Variants in SGK3 observed in about 807,000 individuals in gnomAD.
SGK3 encodes the protein serum/glucocorticoid regulated kinase family member 3.
Under a neutral mutation model 68.5 loss-of-function variants are expected in SGK3, and 47 were observed. The observed-to-expected ratio is 0.69, with a 90% CI of 0.54 to 0.87. The LOEUF (loss-of-function observed/expected upper bound fraction) is 0.87. Among genes scored for constraint, SGK3 ranks in the 40% least tolerant of loss-of-function variants. The pLI, the probability that SGK3 is intolerant of heterozygous loss-of-function variation, is 0.00. For missense variants in SGK3, 479 were observed against 575.5 expected (o/e 0.83, Z 1.72); for synonymous variants, 181 against 189.1 (o/e 0.96, Z 0.35).
intron 1 of SGK3, among the ~76,000 whole-genome samples, chr8:66,754,667 G>T (rs1057293507): frequency 6.6e-6 from 1 of 152,188 alleles, no homozygotes; most frequent in African/African-American, 2.4e-5. Flanking sequence ...AAGTAATTCT[G>T]TACATGGAAC....
intron 6 of SGK3, among the ~76,000 whole-genome samples, chr8:66,823,043 C>T (rs1808909300): frequency 6.6e-6 from 1 of 152,284 alleles, no homozygotes; most frequent in South Asian, 2.1e-4. Context: ...TTATTGCACC[C>T]ACACCTAAAA....
intron 5 of SGK3, among the ~76,000 whole-genome samples, chr8:66,814,302 C>T (rs1273732415): frequency 6.6e-6 from 1 of 152,086 alleles, no homozygotes; most frequent in East Asian, 1.9e-4. Context: ...GGCACAGGCT[C>T]CCAGTGTAGT....
At chr8:66,776,638 C>G (rs1453354039) in intron 1 of SGK3, among the ~76,000 whole-genome samples, 2 of 152,314 alleles carry the variant, frequency 1.3e-5, no homozygotes, top group Admixed American at 6.5e-5. Flanking sequence ...AGTATAAAAT[C>G]AAATGATGAT....
intron 1 of SGK3, among the ~76,000 whole-genome samples, chr8:66,772,730 C>G (rs1806552964): frequency 6.6e-6 from 1 of 151,762 alleles, no homozygotes; most frequent in South Asian, 2.1e-4. Flanking sequence ...CTGGCTAATT[C>G]TTTTGTATTT....
At chr8:66,834,414 G>A (rs1206691245) in intron 8 of SGK3, among the ~76,000 whole-genome samples, 4 of 152,170 alleles carry the variant, frequency 2.6e-5, no homozygotes, top group Admixed American at 6.5e-5. Context: ...AAGGAGAAGG[G>A]TGAGTCATGA....
At chr8:66,744,481 GTGTATA>G (rs1444896823) in intron 1 of SGK3, among the ~76,000 whole-genome samples, 66 of 73,550 alleles carry the variant, frequency 9.0e-4, no homozygotes, top group African/African-American at 4.6e-3. Context: ...ATGTGTGTGT[GTGTATA>G]TATATATATA....
chr8:66,851,590 GTTAC>G (rs1028497153), intron 16 of SGK3, among the ~76,000 whole-genome samples: 1 of 151,360 alleles, frequency 6.6e-6, no homozygotes, highest in Non-Finnish European at 1.5e-5. Context: ...AATGTAAATT[GTTAC>G]TTTCTTGGGA....
intron 16 of SGK3, among the ~76,000 whole-genome samples, chr8:66,858,212 T>A (rs991240344): frequency 1.3e-5 from 2 of 152,100 alleles, no homozygotes; most frequent in Non-Finnish European, 2.9e-5. Flanking sequence ...ACGCCTGTAA[T>A]TCCAGCACTT....
At chr8:66,838,237 T>G (rs1809618721) in intron 10 of SGK3, among the ~76,000 whole-genome samples, 7 of 152,178 alleles carry the variant, frequency 4.6e-5, no homozygotes, top group Admixed American at 4.6e-4. Flanking sequence ...AGCTAATTTT[T>G]GTATTTTTAG....
chr8:66,799,799 G>A (rs902508031), intron 3 of SGK3, among the ~76,000 whole-genome samples: 2 of 152,086 alleles, frequency 1.3e-5, no homozygotes, highest in Admixed American at 6.5e-5. Context: ...TGTTTTTGTA[G>A]TTTTAGTAGA....
Position 66,767,573 on chromosome 8 carries a change from G to A in SGK3, c.-121-26043G>A. 5 of 1,430,794 alleles carry A rather than the reference G, an allele frequency of 3.5e-6. No homozygotes were observed. In the South Asian group the frequency reaches 5.7e-5, roughly 16 times the overall value. 88.6% of individuals were successfully genotyped at this position (1,430,794 alleles called of 1,614,324 possible). On this transcript the variant is annotated intron_variant, in intron 1 of 16. Transcript: ENST00000521198. ...CTCTCCTCATCAAGTATCATGAGAGGCACTTCACTCAAGGGGAGATGTGCA... is the reference window on the plus strand; with the variant it reads ...CTCTCCTCATCAAGTATCATGAGAGACACTTCACTCAAGGGGAGATGTGCA...
chr8:66,775,200 C>G (rs542168159), intron 1 of SGK3: 1 of 152,318 alleles, frequency 6.6e-6, no homozygotes, highest in Admixed American at 6.5e-5. Flanking sequence ...AGGTTTGGCC[C>G]CCGCAGGGAG....
At chr8:66,757,315 G>A (rs1025009522) in intron 1 of SGK3, among the ~76,000 whole-genome samples, 3 of 151,112 alleles carry the variant, frequency 2.0e-5, no homozygotes, top group Non-Finnish European at 4.4e-5. Flanking sequence ...TATTTTTTTT[G>A]TAGAGACTCA....
At chr8:66,775,502 A>T (rs1806667945) in intron 1 of SGK3, 1 of 152,148 alleles carries the variant, frequency 6.6e-6, no homozygotes, top group Non-Finnish European at 1.5e-5. Context: ...CCTCCTGTGA[A>T]CCCCTGAGAG....
At chr8:66,788,489 G>T (rs1293063907) in intron 1 of SGK3, among the ~76,000 whole-genome samples, 1 of 152,130 alleles carries the variant, frequency 6.6e-6, no homozygotes, top group Admixed American at 6.5e-5. Context: ...ATTCATTCCT[G>T]TTTGCCATGT....
At chr8:66,749,671 T>G (rs1489107413) in intron 1 of SGK3, among the ~76,000 whole-genome samples, 3 of 152,130 alleles carry the variant, frequency 2.0e-5, no homozygotes, top group Non-Finnish European at 4.4e-5. Context: ...TATATCAATT[T>G]TAGCAATTTT....
At chr8:66,818,433 G>A (rs1311204284) in intron 5 of SGK3, among the ~76,000 whole-genome samples, 1 of 152,120 alleles carries the variant, frequency 6.6e-6, no homozygotes, top group Non-Finnish European at 1.5e-5. Context: ...TCATAACAAA[G>A]AGAAAAGTGC....
chr8:66,844,640 G>T (rs1190654306), intron 14 of SGK3, among the ~76,000 whole-genome samples: 1 of 152,178 alleles, frequency 6.6e-6, no homozygotes, highest in East Asian at 1.9e-4. Flanking sequence ...GCAGCCTCAT[G>T]CTGGGAACCA....
chr8:66,793,957 T>G, intron 2 of SGK3, 125 bp downstream of exon 2: 1 of 1,007,676 alleles, frequency 9.9e-7, no homozygotes, highest in Non-Finnish European at 1.5e-6. Context: ...TTTACTTCTT[T>G]CACATGATCT....
Sources: allele counts gnomAD v4.1 joint callset (sites outside exome capture counted in the v4.1 genomes callset), GRCh38; gene constraint gnomAD v4.1.1; transcripts MANE v1.5; gene names NCBI Gene and HGNC (gene_info 2026-07-23, HGNC 2026-07-21).